The following SCARA5 variants were observed in gnomAD, a reference collection of about 807,000 sequenced individuals.
SCARA5 encodes the protein scavenger receptor class A member 5.
In SCARA5, 45 loss-of-function variants were observed where a neutral mutation model predicts 46.3. That is an observed-to-expected ratio of 0.97 (90% confidence interval 0.76 to 1.24). SCARA5 has a LOEUF of 1.24. SCARA5 is among the 50% of genes most tolerant of loss of function. The probability of loss-of-function intolerance (pLI) is 0.00; values close to 1 mark genes in which losing one functional copy is unlikely to be tolerated. For missense variants in SCARA5, 680 were observed against 689.0 expected, an observed-to-expected ratio of 0.99 and a Z score of 0.15; for synonymous variants, 333 against 306.5, an observed-to-expected ratio of 1.09 and a Z score of -0.90.
chr8:27,907,628 G>A (rs1807288366), intron 5 of SCARA5, among the ~76,000 whole-genome samples: 1 of 145,958 alleles, frequency 6.9e-6, no homozygotes, highest in Non-Finnish European at 1.5e-5. Flanking sequence ...AGGCTGGAGT[G>A]GCACGATCTC....
At chr8:27,904,561 G>A (rs1807219777) in intron 7 of SCARA5, 1 of 623,136 alleles carries the variant, frequency 1.6e-6, no homozygotes, top group Non-Finnish European at 2.9e-6. Flanking sequence ...ACAACCGCCA[G>A]GTTTATGACA....
At chr8:27,872,552 G>C (rs368017268) in intron 8 of SCARA5, among the ~76,000 whole-genome samples, 3 of 152,186 alleles carry the variant, frequency 2.0e-5, no homozygotes, top group Admixed American at 6.5e-5. Flanking sequence ...CAGTGAATCC[G>C]GGGATGGAGG....
intron 3 of SCARA5, among the ~76,000 whole-genome samples, chr8:27,946,822 TG>T (rs1402023502): frequency 1.3e-5 from 2 of 152,174 alleles, no homozygotes; most frequent in Non-Finnish European, 2.9e-5. Context: ...GGGTGGGCCT[TG>T]GGCATCTGCA....
At chr8:27,935,860 C>A (rs1365724771) in intron 3 of SCARA5, among the ~76,000 whole-genome samples, 1 of 152,104 alleles carries the variant, frequency 6.6e-6, no homozygotes, top group Non-Finnish European at 1.5e-5. Flanking sequence ...GAAGTGAAGA[C>A]CGAGGAAGGG....
At chr8:27,875,410 C>T (rs572824338) in intron 8 of SCARA5, among the ~76,000 whole-genome samples, 7 of 152,146 alleles carry the variant, frequency 4.6e-5, no homozygotes, top group African/African-American at 1.4e-4. Flanking sequence ...AAGAATGTGA[C>T]GGGATCATAG....
intron 4 of SCARA5, 100 bp downstream of exon 4, chr8:27,921,471 G>A (rs1383630608): frequency 2.0e-6 from 2 of 987,208 alleles, no homozygotes; most frequent in Non-Finnish European, 2.9e-6. Context: ...TTGGGGATGG[G>A]GTGGGGCTGG....
At chr8:27,933,775 A>G (rs1807813962) in intron 3 of SCARA5, among the ~76,000 whole-genome samples, 1 of 152,198 alleles carries the variant, frequency 6.6e-6, no homozygotes. Flanking sequence ...TTGAAAAAAG[A>G]CTGAGGAGCA....
intron 4 of SCARA5, among the ~76,000 whole-genome samples, chr8:27,916,812 A>C (rs1417284786): frequency 2.0e-5 from 3 of 152,222 alleles, no homozygotes; most frequent in Non-Finnish European, 4.4e-5. Flanking sequence ...GTGAAGAGCC[A>C]GGAGCCCCAG....
intron 2 of SCARA5, among the ~76,000 whole-genome samples, chr8:27,968,106 T>C (rs1220716953): frequency 1.3e-5 from 2 of 152,180 alleles, no homozygotes; most frequent in Non-Finnish European, 1.5e-5. Flanking sequence ...CCAGGTATCA[T>C]TACTACCTCC....
At chr8:27,934,824 T>C (rs1336026530) in intron 3 of SCARA5, among the ~76,000 whole-genome samples, 1 of 152,232 alleles carries the variant, frequency 6.6e-6, no homozygotes, top group Non-Finnish European at 1.5e-5. Context: ...GGGAGAGATA[T>C]TCAGTTTACC....
intron 2 of SCARA5, among the ~76,000 whole-genome samples, chr8:27,984,918 T>C (rs1808682503): frequency 6.6e-6 from 1 of 152,118 alleles, no homozygotes; most frequent in South Asian, 2.1e-4. Context: ...TATTCATTCA[T>C]CCATTCACCC....
Position 27,929,725 on chromosome 8 carries a change from C to T in SCARA5, c.242-7480G>A, listed in dbSNP as rs559982493. On this transcript the variant is annotated intron_variant, in intron 3 of 8. Coordinates refer to ENST00000354914, the MANE Select transcript of SCARA5 (RefSeq NM_173833.6). ...AGTCACAAGGCAAACTCCAAGCAGGCGGAGCAGGAAAGGAGATGACATTTA... is the reference window on the plus strand; with the variant it reads ...AGTCACAAGGCAAACTCCAAGCAGGTGGAGCAGGAAAGGAGATGACATTTA... 9.5e-4 allele frequency among the ~76,000 whole-genome samples: 144 copies of T among 152,232 alleles called. 1 individual carries two copies. The highest frequency in any genetic ancestry group is 3.2e-3 in the African/African-American group (134 of 41,548).
intron 7 of SCARA5, among the ~76,000 whole-genome samples, chr8:27,898,309 T>C (rs557069698): frequency 6.6e-6 from 1 of 152,326 alleles, no homozygotes; most frequent in East Asian, 1.9e-4. Flanking sequence ...TCACTGGATT[T>C]GTTTTTGGAA....
At chr8:27,974,934 C>T (rs1353496656) in intron 2 of SCARA5, among the ~76,000 whole-genome samples, 1 of 151,286 alleles carries the variant, frequency 6.6e-6, no homozygotes, top group East Asian at 1.9e-4. Flanking sequence ...AAAAAAAAAT[C>T]TTCTAAAGCT....
At chr8:27,955,282 T>C (rs1394871707) in intron 3 of SCARA5, among the ~76,000 whole-genome samples, 1 of 151,644 alleles carries the variant, frequency 6.6e-6, no homozygotes, top group Non-Finnish European at 1.5e-5. Context: ...TCTTCCAGGG[T>C]TTCCCAGCAG....
At chr8:27,985,665 C>T (rs535762523) in intron 2 of SCARA5, among the ~76,000 whole-genome samples, 3 of 152,244 alleles carry the variant, frequency 2.0e-5, no homozygotes, top group South Asian at 4.1e-4. Flanking sequence ...CCAGGAGGCA[C>T]GAGTCAGCCT....
chr8:27,904,612 T>A (rs2129748219), intron 7 of SCARA5, 166 bp downstream of exon 7: 1 of 727,720 alleles, frequency 1.4e-6, no homozygotes. Context: ...TCTATCAGCA[T>A]CTCTTGCTAG....
intron 1 of SCARA5, 112 bp downstream of exon 1, chr8:27,992,145 C>G (rs1166204865): frequency 6.6e-6 from 1 of 152,246 alleles, no homozygotes; most frequent in Non-Finnish European, 1.5e-5. Flanking sequence ...GGCTCTAGGT[C>G]TGAAGTTTCC....
chr8:27,937,115 T>C (rs1807869521), intron 3 of SCARA5, among the ~76,000 whole-genome samples: 1 of 152,192 alleles, frequency 6.6e-6, no homozygotes, highest in Admixed American at 6.5e-5. Context: ...TTGAGTAACA[T>C]AGCAGCTAAC....
Sources: allele counts gnomAD v4.1 joint callset (sites outside exome capture counted in the v4.1 genomes callset), GRCh38; gene constraint gnomAD v4.1.1; transcripts MANE v1.5; gene names NCBI Gene and HGNC (gene_info 2026-07-23, HGNC 2026-07-21).